Variants in FBXL13 observed in about 807,000 individuals in gnomAD.
The protein encoded by FBXL13 is F-box and leucine-rich repeat protein 13.
Under a neutral mutation model 83.6 loss-of-function variants are expected in FBXL13, and 67 were observed. The observed-to-expected ratio is 0.80, with a 90% CI of 0.66 to 0.98. FBXL13 has a LOEUF of 0.98. Ranked by LOEUF, FBXL13 falls within the 50% of genes least tolerant of loss-of-function variation. The probability of loss-of-function intolerance (pLI) is 0.00; values close to 1 mark genes in which losing one functional copy is unlikely to be tolerated. For synonymous variants in FBXL13, 272 were observed against 299.5 expected (o/e 0.91, Z 0.95); for missense variants, 822 against 866.5 (o/e 0.95, Z 0.64).
chr7:102,922,498 A>G (rs1360896948), intron 10 of FBXL13, among the ~76,000 whole-genome samples: 4 of 152,292 alleles, frequency 2.6e-5, no homozygotes, highest in South Asian at 4.1e-4. Context: ...ATTTACTATA[A>G]AATTTTATAT....
Position 103,011,704 on chromosome 7 carries a change from T to C in FBXL13, c.495+13359A>G, listed in dbSNP as rs146930316. Among the ~76,000 whole-genome samples the C allele has an allele frequency of 7.8e-3, 1,171 of 150,654 alleles. 16 individuals carry two copies. Among genetic ancestry groups the C allele is most frequent in the African/African-American group, 0.027 (1,101 of 41,030 alleles). On this transcript the variant is annotated intron_variant, in intron 6 of 19. Coordinates refer to ENST00000313221, the Ensembl canonical transcript of FBXL13. The stretch of plus-strand genomic sequence containing the variant: ...GCTGAAAAACACAATAATGTACTTG[T>C]AAGTATTAACAGCAGAATCAACCAG...
chr7:103,042,674 C>T (rs1795850231), intron 2 of FBXL13, among the ~76,000 whole-genome samples: 1 of 152,188 alleles, frequency 6.6e-6, no homozygotes, highest in South Asian at 2.1e-4. Context: ...AACACATCTA[C>T]AACCATCTGA....
chr7:103,012,101 C>G (rs759352148), intron 6 of FBXL13, among the ~76,000 whole-genome samples: 6 of 152,040 alleles, frequency 3.9e-5, no homozygotes, highest in Non-Finnish European at 4.4e-5. Flanking sequence ...TAGGGCCGGG[C>G]GCAGTGGCTC....
chr7:102,843,200 T>C (rs1047304949), intron 17 of FBXL13, among the ~76,000 whole-genome samples: 6 of 152,050 alleles, frequency 3.9e-5, no homozygotes, highest in Non-Finnish European at 8.8e-5. Flanking sequence ...CCCCAACACT[T>C]TGGGAGGCTG....
chr7:102,890,050 C>A (rs923872994), intron 11 of FBXL13, among the ~76,000 whole-genome samples: 13 of 152,044 alleles, frequency 8.6e-5, no homozygotes, highest in Non-Finnish European at 1.9e-4. Flanking sequence ...TTTGTCCTGG[C>A]ATGAAGTACT....
intron 1 of FBXL13, among the ~76,000 whole-genome samples, chr7:103,069,270 G>T (rs1054604386): frequency 1.3e-5 from 2 of 150,844 alleles, no homozygotes; most frequent in African/African-American, 4.9e-5. Flanking sequence ...GCCTCTACCT[G>T]GTTGCCGCCC....
intron 6 of FBXL13, among the ~76,000 whole-genome samples, chr7:103,014,944 A>G (rs1238427904): frequency 4.0e-5 from 6 of 150,488 alleles, no homozygotes; most frequent in East Asian, 2.0e-4. Context: ...AAAAAAAAAA[A>G]AAAGAAAATA....
intron 8 of FBXL13, among the ~76,000 whole-genome samples, chr7:102,962,733 C>CA (rs1563156549): frequency 6.9e-6 from 1 of 144,562 alleles, no homozygotes; most frequent in Non-Finnish European, 1.5e-5. Context: ...ATTGCAAGAA[C>CA]AAAAAACCAA....
chr7:103,004,234 C>A (rs576151388), intron 6 of FBXL13, among the ~76,000 whole-genome samples: 21 of 152,314 alleles, frequency 1.4e-4, no homozygotes, highest in African/African-American at 5.1e-4. Flanking sequence ...TGCTGAGTTC[C>A]ATTAATGCTG....
chr7:102,973,863 G>A lies in FBXL13; in HGVS notation c.496-5746C>T, dbSNP rs566584718. On this transcript the variant is annotated intron_variant, in intron 6 of 19. Transcript: ENST00000313221. Reference sequence around the variant, plus strand: ...GAAAATCCAACATTGGTCCAAGAAGGCTCCGACGTGTGCCAGGTACTTGCT... The same window carrying A: ...GAAAATCCAACATTGGTCCAAGAAGACTCCGACGTGTGCCAGGTACTTGCT... 770 of 695,470 alleles carry A rather than the reference G, an allele frequency of 1.1e-3. 3 individuals carry two copies. Among genetic ancestry groups the A allele is most frequent in the Non-Finnish European group, 1.7e-3 (650 of 383,508 alleles). 43.1% of individuals were successfully genotyped at this position (695,470 alleles called of 1,614,324 possible). A position where few individuals can be genotyped will look rare whatever the true frequency, so the allele number is the denominator to read the frequency against.
At chr7:102,871,599 G>A (rs1230909911) in intron 16 of FBXL13, among the ~76,000 whole-genome samples, 1 of 151,346 alleles carries the variant, frequency 6.6e-6, no homozygotes, top group Admixed American at 6.6e-5. Flanking sequence ...TGTCACGTTG[G>A]CCAAGCTGCT....
chr7:102,910,382 CTTTCTTTTTTT>C (rs1343022700), intron 11 of FBXL13, among the ~76,000 whole-genome samples: 9 of 150,344 alleles, frequency 6.0e-5, no homozygotes, highest in Admixed American at 6.6e-5. Flanking sequence ...TTTTCTTTTT[CTTTCTTTTTTT>C]TTTCTTTGTG....
chr7:102,982,741 C>T (rs1400933850), intron 6 of FBXL13, among the ~76,000 whole-genome samples: 1 of 152,158 alleles, frequency 6.6e-6, no homozygotes, highest in Non-Finnish European at 1.5e-5. Flanking sequence ...GAGGCCTCCC[C>T]AGCCATGTGT....
intron 1 of FBXL13, among the ~76,000 whole-genome samples, chr7:103,067,347 ATGGTG>A (rs150164717): frequency 0.011 from 1,676 of 152,280 alleles, 34 homozygotes; most frequent in African/African-American, 0.039. Flanking sequence ...GATCATAATG[ATGGTG>A]TGGTGGCATT....
intron 2 of FBXL13, among the ~76,000 whole-genome samples, chr7:103,043,668 T>C (rs7807780): frequency 0.011 from 1,674 of 152,160 alleles, 35 homozygotes; most frequent in African/African-American, 0.039. Flanking sequence ...TGTGCTACCA[T>C]GCCCAACTAA....
chr7:102,971,565 G>A (rs1446458544), intron 6 of FBXL13, among the ~76,000 whole-genome samples: 1 of 138,668 alleles, frequency 7.2e-6, no homozygotes, highest in Non-Finnish European at 1.5e-5. Context: ...TTGCACTCCA[G>A]CCTAGGCAAT....
chr7:102,979,651 T>C (rs978643073), intron 6 of FBXL13, among the ~76,000 whole-genome samples: 1 of 152,224 alleles, frequency 6.6e-6, no homozygotes, highest in Non-Finnish European at 1.5e-5. Context: ...AATTGTATGT[T>C]ATGTTTTATT....
chr7:103,053,245 T>C (rs918599326), intron 2 of FBXL13, among the ~76,000 whole-genome samples: 1 of 151,340 alleles, frequency 6.6e-6, no homozygotes, highest in Non-Finnish European at 1.5e-5. Flanking sequence ...CTCCACCTCC[T>C]TGATTCAAGT....
intron 16 of FBXL13, among the ~76,000 whole-genome samples, chr7:102,876,835 C>T (rs995474288): frequency 6.6e-6 from 1 of 152,170 alleles, no homozygotes; most frequent in East Asian, 1.9e-4. Context: ...CTATATCCCT[C>T]CAAATGCATG....
Sources: gnomAD v4.1 joint callset for allele counts (sites outside exome capture counted in the v4.1 genomes callset) on GRCh38, gnomAD v4.1.1 for gene constraint, MANE v1.5 for transcripts, NCBI Gene and HGNC (gene_info 2026-07-23, HGNC 2026-07-21) for gene names.